GRIK1: variants seen among roughly 807,000 people sequenced by gnomAD.
GRIK1 encodes glutamate receptor ionotropic, kainate 1.
Under a neutral mutation model 105.7 loss-of-function variants are expected in GRIK1, and 69 were observed. The observed-to-expected ratio is 0.65, with a 90% CI of 0.54 to 0.80. The LOEUF is 0.80. Ranked by LOEUF, GRIK1 falls within the 30% of genes least tolerant of loss-of-function variation. GRIK1 has a pLI of 0.00. For synonymous variants in GRIK1, 438 were observed against 431.3 expected, an observed-to-expected ratio of 1.02 and a Z score of -0.19; for missense variants, 1,109 against 1,167.3, an observed-to-expected ratio of 0.95 and a Z score of 0.73.
intron 1 of GRIK1, among the ~76,000 whole-genome samples, chr21:29,744,259 G>T (rs1353882726): frequency 6.6e-6 from 1 of 152,162 alleles, no homozygotes; most frequent in Non-Finnish European, 1.5e-5. Flanking sequence ...GGCATCCCTG[G>T]AAACTTAGAA....
intron 1 of GRIK1, among the ~76,000 whole-genome samples, chr21:29,882,638 G>T (rs752109482): frequency 3.9e-5 from 6 of 152,082 alleles, no homozygotes; most frequent in Non-Finnish European, 8.8e-5. Flanking sequence ...AAGGGAAAAA[G>T]CTTATCAAAT....
intron 9 of GRIK1, among the ~76,000 whole-genome samples, chr21:29,594,632 T>C (rs1464879088): frequency 6.6e-6 from 1 of 152,132 alleles, no homozygotes; most frequent in East Asian, 1.9e-4. Flanking sequence ...CATTTGAAAA[T>C]GAGTGCCCAA....
chr21:29,920,873 T>C (rs2071169235), intron 1 of GRIK1, among the ~76,000 whole-genome samples: 1 of 151,492 alleles, frequency 6.6e-6, no homozygotes, highest in African/African-American at 2.5e-5. Flanking sequence ...TCCTGATTCA[T>C]GGCAAAACAC....
intron 1 of GRIK1, among the ~76,000 whole-genome samples, chr21:29,814,282 G>A (rs893565415): frequency 6.6e-6 from 1 of 151,684 alleles, no homozygotes; most frequent in African/African-American, 2.4e-5. Flanking sequence ...CCTTTTGCTT[G>A]CAGCAGTTTT....
At chr21:29,684,275 T>C (rs2063439320) in intron 3 of GRIK1, among the ~76,000 whole-genome samples, 1 of 152,178 alleles carries the variant, frequency 6.6e-6, no homozygotes, top group East Asian at 1.9e-4. Flanking sequence ...TCTATCTATC[T>C]ATCTATCTAT....
At position 29,858,983 on chromosome 21, in the gene GRIK1, C is replaced by T. The variant is rs574940732; in HGVS notation, c.118+80400G>A. Among the ~76,000 whole-genome samples, 9 of 150,004 alleles carry T rather than the reference C, an allele frequency of 6.0e-5. No individual in the cohort carries two copies. In the South Asian group the frequency reaches 8.6e-4, roughly 14 times the overall value. On this transcript the variant is annotated intron_variant, in intron 1 of 17. Coordinates refer to ENST00000327783, the MANE Select transcript of GRIK1 (RefSeq NM_001330994.2). ...TGTAGAATTTATGTTGTATCACTTTCCTGAGAAACTTCAGAACTCACATAT... is the reference window on the plus strand; with the variant it reads ...TGTAGAATTTATGTTGTATCACTTTTCTGAGAAACTTCAGAACTCACATAT...
chr21:29,721,033 G>A (rs1232143468), intron 1 of GRIK1, among the ~76,000 whole-genome samples: 1 of 151,606 alleles, frequency 6.6e-6, no homozygotes, highest in Non-Finnish European at 1.5e-5. Context: ...CTATTCTTCC[G>A]AGGGCTCATT....
At chr21:29,540,363 A>G (rs144648319) in intron 16 of GRIK1, among the ~76,000 whole-genome samples, 107 of 152,308 alleles carry the variant, frequency 7.0e-4, no homozygotes, top group African/African-American at 2.5e-3. Flanking sequence ...GTTGCAAACA[A>G]TGATTTCTTT....
chr21:29,628,873 A>G (rs1204068465), intron 7 of GRIK1, among the ~76,000 whole-genome samples: 2 of 152,216 alleles, frequency 1.3e-5, no homozygotes, highest in African/African-American at 2.4e-5. Flanking sequence ...TATGTTATTT[A>G]TGGATGGTTT....
chr21:29,734,290 C>T (rs951718990), intron 1 of GRIK1, among the ~76,000 whole-genome samples: 6 of 152,206 alleles, frequency 3.9e-5, no homozygotes, highest in Non-Finnish European at 7.3e-5. Context: ...CCCATTGGTC[C>T]ACTTCCCACA....
chr21:29,631,814 C>T (rs1225593047), intron 7 of GRIK1, among the ~76,000 whole-genome samples: 1 of 152,152 alleles, frequency 6.6e-6, no homozygotes, highest in Non-Finnish European at 1.5e-5. Flanking sequence ...CTGTCTTTTA[C>T]TTTCAATGTG....
intron 1 of GRIK1, among the ~76,000 whole-genome samples, chr21:29,908,094 A>G (rs1213684352): frequency 6.6e-6 from 1 of 152,074 alleles, no homozygotes; most frequent in Non-Finnish European, 1.5e-5. Context: ...TACACCAGAC[A>G]TTGTTCTAAG....
chr21:29,769,301 A>G (rs2065753457), intron 1 of GRIK1, among the ~76,000 whole-genome samples: 1 of 152,192 alleles, frequency 6.6e-6, no homozygotes, highest in South Asian at 2.1e-4. Flanking sequence ...AAAAGGGGAC[A>G]TTTTGACACA....
chr21:29,628,305 C>T (rs78404969), intron 7 of GRIK1, among the ~76,000 whole-genome samples: 3,923 of 152,270 alleles, frequency 0.026, 48 homozygotes, highest in East Asian at 0.058. Context: ...TCAGCTATTT[C>T]AGGAACTGAA....
intron 1 of GRIK1, among the ~76,000 whole-genome samples, chr21:29,771,191 C>T (rs396331): frequency 1.3e-5 from 2 of 151,910 alleles, no homozygotes; most frequent in Non-Finnish European, 2.9e-5. Context: ...AATGAAAAAC[C>T]ATGTCAACAT....
At chr21:29,933,971 A>T (rs548179649) in intron 1 of GRIK1, among the ~76,000 whole-genome samples, 1 of 146,972 alleles carries the variant, frequency 6.8e-6, no homozygotes, top group South Asian at 2.2e-4. Flanking sequence ...TCTTTCCTCT[A>T]GTCTAAATAG....
Position 29,598,921 on chromosome 21 carries a change from A to C in GRIK1, c.1115T>G (p.Leu372Trp). ...NLIKEARWDGLTGHITFNKTN... is the reference protein window; with the variant it reads ...NLIKEARWDGWTGHITFNKTN... ...TTTATTAAAGGTGATATGCCCAGTCAAGCCATCCCACCGGGCCTGTGGACA... is the reference window on the plus strand; with the variant it reads ...TTTATTAAAGGTGATATGCCCAGTCCAGCCATCCCACCGGGCCTGTGGACA... Residue 372 changes from leucine to tryptophan, a missense_variant, in exon 8 of 18, where the codon TTG becomes TGG. Leu to Trp is a moderately conservative substitution (Grantham distance 61, BLOSUM62 -2). Around this residue, in one of 5 missense-constraint regions of GRIK1, gnomAD observed 612 missense variants for 586.0 expected, o/e 1.04. Transcript: ENST00000327783. 6.4e-7 allele frequency: 1 copy of C among 1,574,456 alleles called. No individual in the cohort carries two copies. The highest frequency in any genetic ancestry group is 8.7e-7 in the Non-Finnish European group (1 of 1,148,710).
At chr21:29,851,175 C>G (rs1362725623) in intron 1 of GRIK1, among the ~76,000 whole-genome samples, 2 of 152,040 alleles carry the variant, frequency 1.3e-5, no homozygotes, top group African/African-American at 4.8e-5. Context: ...CTGCCTCAGC[C>G]TCTTGAGTAG....
At chr21:29,756,497 G>A (rs550648492) in intron 1 of GRIK1, among the ~76,000 whole-genome samples, 1 of 152,204 alleles carries the variant, frequency 6.6e-6, no homozygotes, top group Admixed American at 6.5e-5. Flanking sequence ...CTGGCCTTGG[G>A]GACAATGCCA....
Sources: allele counts gnomAD v4.1 joint callset (sites outside exome capture counted in the v4.1 genomes callset), GRCh38; gene constraint gnomAD v4.1.1; regional missense constraint gnomAD v4.1.1; transcripts MANE v1.5; gene names NCBI Gene and HGNC (gene_info 2026-07-23, HGNC 2026-07-21).